GSTA4: variants seen among roughly 807,000 people sequenced by gnomAD.
GSTA4 encodes the protein glutathione S-transferase alpha 4, also known as glutathione S-transferase A4.
A neutral mutation model predicts 24.4 loss-of-function variants in GSTA4; 15 were observed. That is an observed-to-expected ratio of 0.61 (90% confidence interval 0.41 to 0.95). The LOEUF is 0.95. Among genes scored for constraint, GSTA4 ranks in the 40% least tolerant of loss-of-function variants. GSTA4 has a pLI of 0.00. For synonymous variants in GSTA4, 92 were observed against 94.2 expected (o/e 0.98, Z 0.13); for missense variants, 244 against 262.1 (o/e 0.93, Z 0.48).
intron 3 of GSTA4, among the ~76,000 whole-genome samples, chr6:52,986,741 C>T (rs551358869): frequency 6.6e-6 from 1 of 152,280 alleles, no homozygotes; most frequent in South Asian, 2.1e-4. Flanking sequence ...GAGCCGGTAC[C>T]ACACAGGGGA....
At chr6:52,987,293 A>C in intron 3 of GSTA4, 64 bp downstream of exon 3, 1 of 1,017,934 alleles carries the variant, frequency 9.8e-7, no homozygotes, top group Non-Finnish European at 1.5e-6. Flanking sequence ...TTGCCCTTCC[A>C]CATAAACAGC....
At chr6:52,984,304 TGTGCTGTGGC>T (rs1763508461) in intron 5 of GSTA4, among the ~76,000 whole-genome samples, 150 bp downstream of exon 5, 1 of 152,214 alleles carries the variant, frequency 6.6e-6, no homozygotes, top group African/African-American at 2.4e-5. Context: ...ACACCAGCTT[TGTGCTGTGGC>T]TACTATTCGC....
chr6:52,992,875 T>C (rs6934677), intron 2 of GSTA4, among the ~76,000 whole-genome samples: 32,715 of 152,026 alleles, frequency 0.22, 4,461 homozygotes, highest in African/African-American at 0.38. Flanking sequence ...CCCAGGTGGG[T>C]GCATCACTTG....
At position 52,987,654 on chromosome 6, in the gene GSTA4, T is replaced by C. The variant is rs542854158; in HGVS notation, c.88-246A>G. On this transcript the variant is annotated intron_variant, in intron 2 of 6. Transcript: ENST00000370963. ...AGAGGCTGGGAAGTGTAGAGAGGAA[T>C]GGGATGTGAAAAGAGGTTGGTTAAT... The C allele has an allele frequency of 1.5e-5, 6 of 403,958 alleles. No homozygotes were observed. The South Asian group carries it at 1.7e-4, about 12-fold the overall frequency. 25.0% of individuals were successfully genotyped at this position (403,958 alleles called of 1,614,324 possible).
chr6:52,990,297 G>C (rs1763638979), intron 2 of GSTA4, among the ~76,000 whole-genome samples: 1 of 152,188 alleles, frequency 6.6e-6, no homozygotes, highest in Non-Finnish European at 1.5e-5. Flanking sequence ...TTCAACTTTA[G>C]GTTCAACCCA....
At chr6:52,992,876 G>A (rs535426333) in intron 2 of GSTA4, among the ~76,000 whole-genome samples, 43 of 152,270 alleles carry the variant, frequency 2.8e-4, no homozygotes, top group African/African-American at 9.6e-4. Flanking sequence ...CCAGGTGGGT[G>A]CATCACTTGA....
intron 2 of GSTA4, among the ~76,000 whole-genome samples, chr6:52,991,899 G>A (rs888045448): frequency 3.3e-5 from 5 of 151,868 alleles, no homozygotes; most frequent in Admixed American, 6.6e-5. Context: ...TGGGACGACA[G>A]GCACATGCCA....
intron 5 of GSTA4, 52 bp downstream of exon 5, chr6:52,984,412 T>C: frequency 6.5e-6 from 10 of 1,540,626 alleles, no homozygotes; most frequent in Non-Finnish European, 5.3e-6. Context: ...GGCAGCTTCT[T>C]TGTGGTTTGT....
In GSTA4 at chr6:52,987,261, T is replaced by C. The variant is rs907148931; in HGVS notation, c.139+96A>G. The stretch of plus-strand genomic sequence containing the variant: ...TTTGGTTTTAGGATACTGTTCTGAA[T>C]GTTCAGTGTCATTGAATACTTTTGC... On this transcript the variant is annotated intron_variant, in intron 3 of 6. Coordinates refer to ENST00000370963, the MANE Select transcript of GSTA4 (RefSeq NM_001512.4). 3.8e-5 allele frequency: 29 copies of C among 769,434 alleles called. No individual in the cohort carries two copies. The African/African-American group carries it at 4.8e-4, about 13-fold the overall frequency. The allele number at this position is 769,434 out of a possible 1,614,324, so 47.7% of individuals were successfully genotyped here.
chr6:52,985,181 A>T (rs1763528474), intron 4 of GSTA4, among the ~76,000 whole-genome samples: 1 of 152,198 alleles, frequency 6.6e-6, no homozygotes, highest in Non-Finnish European at 1.5e-5. Flanking sequence ...CAAGAAAGGG[A>T]AAAAGCAGTA....
chr6:52,990,042 G>A (rs755115807), intron 2 of GSTA4, among the ~76,000 whole-genome samples: 1 of 152,050 alleles, frequency 6.6e-6, no homozygotes, highest in Non-Finnish European at 1.5e-5. Context: ...CAGGGACAAG[G>A]TGCTCAACTG....
intron 5 of GSTA4, among the ~76,000 whole-genome samples, chr6:52,982,926 C>CA (rs1763482876): frequency 6.6e-6 from 1 of 150,396 alleles, no homozygotes; most frequent in Non-Finnish European, 1.5e-5. Flanking sequence ...AGAGAAAGTA[C>CA]AAAAAAGGTG....
chr6:52,979,495 G>C (rs546812278), intron 6 of GSTA4, among the ~76,000 whole-genome samples: 4 of 152,082 alleles, frequency 2.6e-5, no homozygotes, highest in Non-Finnish European at 4.4e-5. Context: ...GAAAAACATT[G>C]TATTTTTCAT....
At chr6:52,988,479 C>T (rs1441942898) in intron 2 of GSTA4, among the ~76,000 whole-genome samples, 1 of 152,128 alleles carries the variant, frequency 6.6e-6, no homozygotes, top group Non-Finnish European at 1.5e-5. Flanking sequence ...CTGTTGTTAA[C>T]AAAGTGAGAA....
At chr6:52,990,710 T>C (rs1301802297) in intron 2 of GSTA4, among the ~76,000 whole-genome samples, 1 of 152,172 alleles carries the variant, frequency 6.6e-6, no homozygotes, top group African/African-American at 2.4e-5. Context: ...ATATAAGACA[T>C]CCATTCAAAA....
Position 52,982,620 on chromosome 6 carries a change from A to G in GSTA4, c.500T>C (p.Leu167Pro), listed in dbSNP as rs1306513109. ...CAGGATATTAGGAATTTTCTCTTCTAGAGCTAAAATGGTTTGGAGTAAAAT... is the reference window on the plus strand; with the variant it reads ...CAGGATATTAGGAATTTTCTCTTCTGGAGCTAAAATGGTTTGGAGTAAAAT... ...DVILLQTILALEEKIPNILSA... is the reference protein window; with the variant it reads ...DVILLQTILAPEEKIPNILSA... Residue 167 changes from leucine to proline, a missense_variant, in exon 6 of 7, where the codon CTA (leucine) becomes CCA (proline). Transcript: ENST00000370963. 6.2e-7 allele frequency: 1 copy of G among 1,609,836 alleles called. No individual in the cohort carries two copies.
chr6:52,995,191 G>A (rs1474180396), intron 1 of GSTA4, 58 bp downstream of exon 1: 3 of 152,416 alleles, frequency 2.0e-5, no homozygotes, highest in Non-Finnish European at 4.4e-5. Flanking sequence ...TAAAGGGGAG[G>A]GAAAAAAAAG....
chr6:52,978,304 A>C lies in GSTA4; in HGVS notation c.*166T>G. On this transcript the variant is annotated 3_prime_UTR_variant, in exon 7 of 7. Coordinates refer to ENST00000370963, the MANE Select transcript of GSTA4 (RefSeq NM_001512.4). ...CTAACAATTATTTACTGGACAAAAA[A>C]GGTTGATATTTCTAGAAGAGATGAT... 1 of 671,444 alleles carries C rather than the reference A, an allele frequency of 1.5e-6. No homozygotes were observed. The highest frequency in any genetic ancestry group is 3.0e-5 in the East Asian group (1 of 33,696). 41.6% of individuals were successfully genotyped at this position (671,444 alleles called of 1,614,324 possible). A position where few individuals can be genotyped will look rare whatever the true frequency, so the allele number is the denominator to read the frequency against.
chr6:52,994,783 A>G (rs1020595871), intron 1 of GSTA4, among the ~76,000 whole-genome samples: 5 of 152,218 alleles, frequency 3.3e-5, no homozygotes, highest in Non-Finnish European at 5.9e-5. Flanking sequence ...ACCGTCACGC[A>G]TGCGGTGGCT....
Sources: gnomAD v4.1 joint callset for allele counts (sites outside exome capture counted in the v4.1 genomes callset) on GRCh38, gnomAD v4.1.1 for gene constraint, MANE v1.5 for transcripts, NCBI Gene and HGNC (gene_info 2026-07-23, HGNC 2026-07-21) for gene names.